The following EPS15L1 variants were observed in gnomAD, a reference collection of about 807,000 sequenced individuals.
The protein encoded by EPS15L1 is epidermal growth factor receptor substrate 15-like 1.
Under a neutral mutation model 117.1 loss-of-function variants are expected in EPS15L1, and 43 were observed. That is an observed-to-expected ratio of 0.37 (90% CI 0.29 to 0.47). The LOEUF is 0.47. EPS15L1 is among the 20% of genes least tolerant of loss of function. The probability of loss-of-function intolerance (pLI) is 0.99; values close to 1 mark genes in which losing one functional copy is unlikely to be tolerated. For missense variants in EPS15L1, 981 were observed against 1,164.0 expected (o/e 0.84, Z 2.29); for synonymous variants, 459 against 470.5 (o/e 0.98, Z 0.32).
At chr19:16,402,547 T>C (rs961813625) in intron 15 of EPS15L1, 62 bp from the exon 16 acceptor site, 7 of 528,426 alleles carry the variant, frequency 1.3e-5, no homozygotes, top group South Asian at 4.5e-5. Flanking sequence ...GAAAAGACGC[T>C]TTTTTTTTTT....
intron 23 of EPS15L1, 103 bp downstream of exon 23, chr19:16,361,676 G>A: frequency 6.8e-7 from 1 of 1,469,402 alleles, no homozygotes; most frequent in Non-Finnish European, 9.0e-7. Context: ...GTACCAAGAG[G>A]CTAAAGAAGC....
intron 7 of EPS15L1, among the ~76,000 whole-genome samples, chr19:16,433,452 T>C (rs2092949005): frequency 6.6e-6 from 1 of 152,122 alleles, no homozygotes; most frequent in South Asian, 2.1e-4. Context: ...TTAAAGAGAA[T>C]GCATAAAATT....
chr19:16,367,042 T>C (rs1335863994), intron 22 of EPS15L1, among the ~76,000 whole-genome samples: 5 of 152,110 alleles, frequency 3.3e-5, no homozygotes, highest in Non-Finnish European at 7.4e-5. Flanking sequence ...GGTTTTATAC[T>C]TTTTTATGGC....
At chr19:16,441,017 G>C in intron 3 of EPS15L1, 108 bp from the exon 4 acceptor site, 1 of 1,056,932 alleles carries the variant, frequency 9.5e-7, no homozygotes, top group Non-Finnish European at 1.5e-6. Flanking sequence ...GGGCAGGAGT[G>C]ACTGTCCCCA....
chr19:16,467,185 T>C (rs1408747444), intron 1 of EPS15L1, among the ~76,000 whole-genome samples: 8 of 151,586 alleles, frequency 5.3e-5, no homozygotes, highest in Non-Finnish European at 8.8e-5. Flanking sequence ...GTCACTTTGT[T>C]GCCCAGGCTG....
chr19:16,461,604 A>G (rs2093252429), intron 1 of EPS15L1, among the ~76,000 whole-genome samples: 1 of 152,126 alleles, frequency 6.6e-6, no homozygotes, highest in African/African-American at 2.4e-5. Flanking sequence ...CCTGGGTCAC[A>G]GAGTGAGACT....
At chr19:16,412,212 A>G (rs528875760) in intron 13 of EPS15L1, among the ~76,000 whole-genome samples, 1 of 152,180 alleles carries the variant, frequency 6.6e-6, no homozygotes, top group African/African-American at 2.4e-5. Context: ...GCCACCGTCT[A>G]TGGTTATAAG....
At chr19:16,456,224 C>T (rs796322362) in intron 1 of EPS15L1, among the ~76,000 whole-genome samples, 8 of 151,816 alleles carry the variant, frequency 5.3e-5, no homozygotes, top group African/African-American at 1.7e-4. Flanking sequence ...AAAAACCCTC[C>T]TGAAAAAGGG....
chr19:16,429,709 G>A lies in EPS15L1; in HGVS notation c.499-948C>T, dbSNP rs112919093. Reference sequence around the variant, plus strand: ...CCTGGCAGATGGGGCCCTGTCACCTGGCTGCTGCTGAGCCCCTGACGGTAG... The same window carrying A: ...CCTGGCAGATGGGGCCCTGTCACCTAGCTGCTGCTGAGCCCCTGACGGTAG... On this transcript the variant is annotated intron_variant, in intron 7 of 23. Transcript: ENST00000455140. Among the ~76,000 whole-genome samples the A allele has an allele frequency of 1.6e-3, 246 of 152,174 alleles. 1 individual carries two copies. Among genetic ancestry groups the A allele is most frequent in the African/African-American group, 5.8e-3 (239 of 41,506 alleles).
intron 18 of EPS15L1, among the ~76,000 whole-genome samples, chr19:16,393,590 A>G (rs1179169929): frequency 6.6e-6 from 1 of 150,452 alleles, no homozygotes; most frequent in Non-Finnish European, 1.5e-5. Flanking sequence ...CGGAGCTTGC[A>G]GTGAGCCGAG....
chr19:16,460,241 A>G (rs36717), intron 1 of EPS15L1, among the ~76,000 whole-genome samples: 13,853 of 152,158 alleles, frequency 0.091, 936 homozygotes, highest in East Asian at 0.32. Context: ...CCGTGATGGC[A>G]CCACTGCACT....
In EPS15L1 at chr19:16,447,883, T is replaced by C. The variant is rs186118350; in HGVS notation, c.34-5664A>G. On this transcript the variant is annotated intron_variant, in intron 1 of 23. Transcript: ENST00000455140. ...CTAGAGTAGTTAAGACAGTGGAGTA[T>C]TGGCAGGGGGCGGGCACAGACAGTA... Among the ~76,000 whole-genome samples, 156 of 152,176 alleles carry C rather than the reference T, an allele frequency of 1.0e-3. 2 individuals carry two copies. Among genetic ancestry groups the C allele is most frequent in the South Asian group, 7.3e-3 (35 of 4,820 alleles).
At chr19:16,396,739 G>A (rs1318524754) in intron 16 of EPS15L1, among the ~76,000 whole-genome samples, 6 of 152,184 alleles carry the variant, frequency 3.9e-5, no homozygotes, top group African/African-American at 1.2e-4. Context: ...CAAGAAAATT[G>A]TAACGAGCCA....
intron 4 of EPS15L1, chr19:16,440,637 A>AAAATAAAT (rs573937966): frequency 9.2e-6 from 3 of 324,640 alleles, no homozygotes; most frequent in African/African-American, 6.4e-5. Flanking sequence ...CATTAAAAGA[A>AAAATAAAT]AAATAAATAA....
intron 12 of EPS15L1, among the ~76,000 whole-genome samples, chr19:16,415,382 C>T (rs2092748639): frequency 6.6e-6 from 1 of 152,190 alleles, no homozygotes. Flanking sequence ...CCCAAAGAGG[C>T]TGCCTCAGGG....
Position 16,471,082 on chromosome 19 carries a change from T to A in EPS15L1, c.33+831A>T, listed in dbSNP as rs1284014058. ...GTGCTAGATCATTCTAGCAAAATGCTTATATGGTGCTTTGCACAACACAGG... is the reference window on the plus strand; with the variant it reads ...GTGCTAGATCATTCTAGCAAAATGCATATATGGTGCTTTGCACAACACAGG... On this transcript the variant is annotated intron_variant, in intron 1 of 23. Transcript: ENST00000455140. This position sits in a 1 kb window ranked among gnomAD's most constrained non-coding sequence, Gnocchi z 4.8. 6.6e-6 allele frequency among the ~76,000 whole-genome samples: 1 copy of A among 152,172 alleles called. No homozygotes were observed. Among genetic ancestry groups the A allele is most frequent in the Non-Finnish European group, 1.5e-5 (1 of 68,038 alleles).
intron 7 of EPS15L1, among the ~76,000 whole-genome samples, chr19:16,429,241 G>A (rs1176807562): frequency 6.6e-6 from 1 of 152,148 alleles, no homozygotes; most frequent in African/African-American, 2.4e-5. Context: ...TGGTGAGACA[G>A]GTGTCAGGCC....
chr19:16,466,623 C>T (rs1424980532), intron 1 of EPS15L1, among the ~76,000 whole-genome samples: 1 of 152,162 alleles, frequency 6.6e-6, no homozygotes, highest in Non-Finnish European at 1.5e-5. Flanking sequence ...GGCATGAGGG[C>T]CAGGCGCGGT....
chr19:16,411,083 C>T (rs1026660903), intron 13 of EPS15L1, among the ~76,000 whole-genome samples: 1 of 152,148 alleles, frequency 6.6e-6, no homozygotes, highest in Non-Finnish European at 1.5e-5. Flanking sequence ...CAGGAAATGT[C>T]CGGAACTCCA....
Sources: allele counts gnomAD v4.1 joint callset (sites outside exome capture counted in the v4.1 genomes callset), GRCh38; gene constraint gnomAD v4.1.1; non-coding constraint Gnocchi (gnomAD v3.1); transcripts MANE v1.5; gene names NCBI Gene and HGNC (gene_info 2026-07-23, HGNC 2026-07-21).